The following EEPD1 variants were observed in gnomAD, a reference collection of about 807,000 sequenced individuals.
The protein encoded by EEPD1 is endonuclease/exonuclease/phosphatase family domain containing 1, also known as endonuclease/exonuclease/phosphatase family domain-containing protein 1.
Under a neutral mutation model 46.3 loss-of-function variants are expected in EEPD1, and 17 were observed. The observed-to-expected ratio is 0.37, with a 90% confidence interval of 0.25 to 0.55. The LOEUF is 0.55. Among genes scored for constraint, EEPD1 ranks in the 20% least tolerant of loss-of-function variants. The pLI is 0.83. For missense variants in EEPD1, 673 were observed against 745.6 expected (o/e 0.90, Z 1.13); for synonymous variants, 313 against 315.6 (o/e 0.99, Z 0.09).
At chr7:36,216,529 TTACACACCTTAAAAA>T (rs575657958) in intron 2 of EEPD1, among the ~76,000 whole-genome samples, 184 of 152,352 alleles carry the variant, frequency 1.2e-3, no homozygotes, top group African/African-American at 4.1e-3. Flanking sequence ...GCAAAAGTTA[TTACACACCTTAAAAA>T]TGCACACAGC....
chr7:36,215,238 C>T (rs971229652), intron 2 of EEPD1, among the ~76,000 whole-genome samples: 2 of 152,226 alleles, frequency 1.3e-5, no homozygotes, highest in Admixed American at 6.5e-5. Flanking sequence ...CACCCCGCAG[C>T]GCTGCACCAG....
At chr7:36,279,534 C>G (rs1787230357) in intron 3 of EEPD1, among the ~76,000 whole-genome samples, 1 of 152,214 alleles carries the variant, frequency 6.6e-6, no homozygotes. Context: ...ACCCTGGCCT[C>G]TCCCAACCAT....
chr7:36,254,070 A>G (rs188534873), intron 3 of EEPD1, among the ~76,000 whole-genome samples: 15 of 152,258 alleles, frequency 9.9e-5, no homozygotes, highest in African/African-American at 3.6e-4. Flanking sequence ...AATTATTTTA[A>G]TAATTTTTAA....
chr7:36,206,784 C>T (rs1447229406), intron 2 of EEPD1, among the ~76,000 whole-genome samples: 2 of 152,232 alleles, frequency 1.3e-5, no homozygotes, highest in Admixed American at 6.5e-5. Context: ...CACAGTGGCT[C>T]ATGCCTATAA....
chr7:36,272,506 G>GTTGTTTT (rs760638364), intron 3 of EEPD1, among the ~76,000 whole-genome samples: 4 of 130,524 alleles, frequency 3.1e-5, no homozygotes, highest in Non-Finnish European at 3.3e-5. Context: ...TTTTGTTGTT[G>GTTGTTTT]TTTTTTTTTT....
chr7:36,212,658 C>T (rs1045922199), intron 2 of EEPD1, among the ~76,000 whole-genome samples: 11 of 149,728 alleles, frequency 7.3e-5, no homozygotes, highest in African/African-American at 2.7e-4. Flanking sequence ...GAGGTGAGTA[C>T]TAGGGGGCCA....
intron 2 of EEPD1, among the ~76,000 whole-genome samples, chr7:36,183,871 C>A (rs1370218131): frequency 1.5e-5 from 1 of 68,888 alleles, no homozygotes; most frequent in Non-Finnish European, 4.2e-5. Flanking sequence ...TATTCCTAGC[C>A]CTCGTTTTTT....
chr7:36,172,442 T>C (rs374529188), intron 2 of EEPD1, among the ~76,000 whole-genome samples: 1 of 152,116 alleles, frequency 6.6e-6, no homozygotes, highest in Non-Finnish European at 1.5e-5. Flanking sequence ...AGGGAGGGCA[T>C]GGAAGCTCTG....
intron 2 of EEPD1, among the ~76,000 whole-genome samples, chr7:36,207,368 G>GA (rs1400185980): frequency 6.6e-6 from 1 of 152,234 alleles, no homozygotes; most frequent in Non-Finnish European, 1.5e-5. Flanking sequence ...GTGCTGGGCA[G>GA]ATAAGTGAGG....
intron 2 of EEPD1, among the ~76,000 whole-genome samples, chr7:36,226,394 T>C (rs1320744811): frequency 6.6e-6 from 1 of 152,210 alleles, no homozygotes; most frequent in African/African-American, 2.4e-5. Context: ...CGTCAGTCTC[T>C]TTCTCTTCCC....
At chr7:36,238,821 T>A (rs781036477) in intron 2 of EEPD1, among the ~76,000 whole-genome samples, 164 bp from the exon 3 acceptor site, 14 of 152,224 alleles carry the variant, frequency 9.2e-5, no homozygotes, top group Non-Finnish European at 4.4e-5. Context: ...TTAAATACTT[T>A]CAAAACGGTC....
chr7:36,203,368 TC>T (rs1330329375), intron 2 of EEPD1, among the ~76,000 whole-genome samples: 1 of 151,994 alleles, frequency 6.6e-6, no homozygotes, highest in Admixed American at 6.5e-5. Flanking sequence ...TTCTTTCCTT[TC>T]CCCCTCCCTT....
At chr7:36,239,928 T>G (rs891568177) in intron 3 of EEPD1, among the ~76,000 whole-genome samples, 1 of 152,222 alleles carries the variant, frequency 6.6e-6, no homozygotes, top group Non-Finnish European at 1.5e-5. Flanking sequence ...ATTCATTTGT[T>G]TTTGGTTAGA....
intron 6 of EEPD1, among the ~76,000 whole-genome samples, chr7:36,294,430 G>T (rs1003597694): frequency 6.6e-6 from 1 of 151,968 alleles, no homozygotes; most frequent in Admixed American, 6.5e-5. Context: ...TGGCAGAGGG[G>T]GTTAATTATT....
At chr7:36,273,129 T>TACACACACACACAC (rs10578694) in intron 3 of EEPD1, among the ~76,000 whole-genome samples, 10 of 148,546 alleles carry the variant, frequency 6.7e-5, no homozygotes, top group East Asian at 4.0e-4. Flanking sequence ...GGTGCATGCT[T>TACACACACACACAC]ACACACACAC....
chr7:36,272,669 T>C (rs1436074862), intron 3 of EEPD1, among the ~76,000 whole-genome samples: 3 of 152,216 alleles, frequency 2.0e-5, no homozygotes, highest in African/African-American at 7.2e-5. Flanking sequence ...TAAAAGCAGC[T>C]AATAATTAGC....
At chr7:36,275,608 G>A (rs1787169694) in intron 3 of EEPD1, among the ~76,000 whole-genome samples, 1 of 151,954 alleles carries the variant, frequency 6.6e-6, no homozygotes, top group African/African-American at 2.4e-5. Flanking sequence ...CACCACGCCT[G>A]GTGTGTATTT....
Position 36,155,221 on chromosome 7 carries a change from A to T in EEPD1, c.878+19A>T. 1 of 1,506,212 alleles carries T rather than the reference A, an allele frequency of 6.6e-7. No homozygotes were observed. 93.3% of individuals were successfully genotyped at this position (1,506,212 alleles called of 1,614,324 possible). ...AAAACAGGTGAGGACAGGAACCACC[A>T]TGGGTGTTGGGTGTGAAGGCAACTT... On this transcript the variant is annotated intron_variant, in intron 2 of 7. Coordinates refer to ENST00000242108, the MANE Select transcript of EEPD1 (RefSeq NM_030636.3).
At chr7:36,265,941 T>C (rs1451488802) in intron 3 of EEPD1, among the ~76,000 whole-genome samples, 1 of 152,188 alleles carries the variant, frequency 6.6e-6, no homozygotes, top group Admixed American at 6.5e-5. Flanking sequence ...CCTGCCAAAG[T>C]TGGGGTTCAG....
Sources: allele counts gnomAD v4.1 joint callset (sites outside exome capture counted in the v4.1 genomes callset), GRCh38; gene constraint gnomAD v4.1.1; transcripts MANE v1.5; gene names NCBI Gene and HGNC (gene_info 2026-07-23, HGNC 2026-07-21).